DOCK4: variants seen among roughly 807,000 people sequenced by gnomAD.
DOCK4 encodes dedicator of cytokinesis 4.
DOCK4 carries 97 observed loss-of-function variants against 268.1 expected under a neutral mutation model. The ratio of observed to expected loss-of-function variants is 0.36; its 90% CI spans 0.31 to 0.43. DOCK4 has a LOEUF of 0.43. DOCK4 is among the 20% of genes least tolerant of loss of function. The pLI is 1.00. For missense variants in DOCK4, 2,145 were observed against 2,455.7 expected (o/e 0.87, Z 2.67); for synonymous variants, 954 against 887.2 (o/e 1.08, Z -1.34).
intron 1 of DOCK4, among the ~76,000 whole-genome samples, chr7:112,191,137 T>C (rs1418638060): frequency 1.3e-5 from 2 of 152,182 alleles, no homozygotes; most frequent in Non-Finnish European, 2.9e-5. Context: ...TAGAGTGCAG[T>C]AGCTAGTCAC....
intron 21 of DOCK4, 24 bp from the exon 22 acceptor site, chr7:111,868,178 T>G (rs768883737): frequency 1.9e-6 from 3 of 1,545,012 alleles, no homozygotes; most frequent in Non-Finnish European, 2.6e-6. Flanking sequence ...TTTTTAAAAG[T>G]TAGCTTCAAA....
intron 1 of DOCK4, among the ~76,000 whole-genome samples, chr7:112,150,371 A>G (rs1318354937): frequency 6.6e-6 from 1 of 152,164 alleles, no homozygotes; most frequent in African/African-American, 2.4e-5. Flanking sequence ...TCCGTCAAGA[A>G]TGAGCACTTG....
chr7:112,018,302 G>A (rs566057064), intron 1 of DOCK4, among the ~76,000 whole-genome samples: 34 of 151,486 alleles, frequency 2.2e-4, no homozygotes, highest in African/African-American at 8.2e-4. Flanking sequence ...TTTTTAAAAT[G>A]AAAAGATATT....
intron 1 of DOCK4, among the ~76,000 whole-genome samples, chr7:112,057,962 G>C (rs1805988649): frequency 6.8e-6 from 1 of 146,772 alleles, no homozygotes; most frequent in African/African-American, 2.5e-5. Flanking sequence ...CGCTTAATAA[G>C]AATTTATAGT....
chr7:112,111,741 G>T (rs1245096325), intron 1 of DOCK4, among the ~76,000 whole-genome samples: 1 of 152,148 alleles, frequency 6.6e-6, no homozygotes, highest in African/African-American at 2.4e-5. Flanking sequence ...TCCCTGTTCT[G>T]GGCAGAGTAG....
chr7:111,950,534 C>CA (rs1795974138), intron 8 of DOCK4, among the ~76,000 whole-genome samples: 1 of 152,140 alleles, frequency 6.6e-6, no homozygotes, highest in South Asian at 2.1e-4. Flanking sequence ...CTTTTTGTAT[C>CA]TTCAACTCCT....
rs1306085262 is a variant in DOCK4 at position 112,048,489 on chromosome 7, G to C, written c.38-44358C>G. Among the ~76,000 whole-genome samples the C allele has an allele frequency of 8.6e-5, 13 of 151,172 alleles. No homozygotes were observed. The East Asian group carries it at 2.5e-3, about 29-fold the overall frequency. ...GAGACAGGAGAATCGCTTGACCCCA[G>C]GAGGCAGAGGTTGCAATAAGCCAAG... On this transcript the variant is annotated intron_variant, in intron 1 of 52. Coordinates refer to ENST00000428084, the MANE Select transcript of DOCK4 (RefSeq NM_001363540.2).
At chr7:111,896,389 A>T (rs1423829919) in intron 15 of DOCK4, among the ~76,000 whole-genome samples, 1 of 152,052 alleles carries the variant, frequency 6.6e-6, no homozygotes, top group Non-Finnish European at 1.5e-5. Flanking sequence ...AATGCCAAGG[A>T]TCATTAGTAA....
intron 37 of DOCK4, 130 bp from the exon 38 acceptor site, chr7:111,767,248 G>T (rs1252123612): frequency 6.4e-5 from 40 of 627,230 alleles, no homozygotes; most frequent in Non-Finnish European, 9.9e-5. Context: ...TTTTTTTTGA[G>T]ATGGAGTCTC....
rs1001121195 is a variant in DOCK4, at chr7:111,754,558, C to T, written c.4416+957G>A. Among the ~76,000 whole-genome samples the T allele has an allele frequency of 5.9e-5, 9 of 152,184 alleles. No individual in the cohort carries two copies. The South Asian group carries it at 1.2e-3, about 21-fold the overall frequency. ...AAAAACAAACACATTATTATTTCTGCAGTGAAACAAATGAACATTCACACT... is the reference window on the plus strand; with the variant it reads ...AAAAACAAACACATTATTATTTCTGTAGTGAAACAAATGAACATTCACACT... On this transcript the variant is annotated intron_variant, in intron 42 of 52. Transcript: ENST00000428084.
chr7:111,944,781 C>A (rs1288111448), intron 10 of DOCK4, 30 bp downstream of exon 10: 3 of 1,599,604 alleles, frequency 1.9e-6, no homozygotes, highest in Non-Finnish European at 2.6e-6. Flanking sequence ...TGTTCCTTGC[C>A]CCTACTGCAC....
Position 112,206,362 on chromosome 7 carries a change from C to G in DOCK4, c.-224G>C. Reference sequence around the variant, plus strand: ...CGGCTGCTCACAGTCCTCCGACGCGCTCCCGGGTACCCGGCGGCGCAGTCA... The same window carrying G: ...CGGCTGCTCACAGTCCTCCGACGCGGTCCCGGGTACCCGGCGGCGCAGTCA... On this transcript the variant is annotated 5_prime_UTR_variant, in exon 1 of 53. Coordinates refer to ENST00000428084, the MANE Select transcript of DOCK4 (RefSeq NM_001363540.2). 1.7e-6 allele frequency: 1 copy of G among 587,230 alleles called. No individual in the cohort carries two copies. Among genetic ancestry groups the G allele is most frequent in the Non-Finnish European group, 3.0e-6 (1 of 334,004 alleles). 36.4% of individuals were successfully genotyped at this position (587,230 alleles called of 1,614,324 possible). A position where few individuals can be genotyped will look rare whatever the true frequency, so the allele number is the denominator to read the frequency against.
intron 24 of DOCK4, among the ~76,000 whole-genome samples, chr7:111,845,708 T>G (rs1180581020): frequency 6.6e-6 from 1 of 152,174 alleles, no homozygotes; most frequent in Non-Finnish European, 1.5e-5. Flanking sequence ...GCAAGAAAAC[T>G]ACCAAGATTT....
chr7:112,039,012 GT>G (rs561791138), intron 1 of DOCK4, among the ~76,000 whole-genome samples: 1 of 152,180 alleles, frequency 6.6e-6, no homozygotes, highest in African/African-American at 2.4e-5. Context: ...AGGTAGTCTA[GT>G]TTTTTCACAG....
chr7:112,040,567 C>G (rs73432744), intron 1 of DOCK4, among the ~76,000 whole-genome samples: 8,110 of 152,144 alleles, frequency 0.053, 685 homozygotes, highest in African/African-American at 0.18. Context: ...TGAACCAACA[C>G]ACACAGCTCA....
chr7:112,171,871 C>T lies in DOCK4; in HGVS notation c.37+34231G>A, dbSNP rs541958949. 1.5e-3 allele frequency among the ~76,000 whole-genome samples: 225 copies of T among 152,300 alleles called. 1 individual carries two copies. The highest frequency in any genetic ancestry group is 2.3e-3 in the Non-Finnish European group (158 of 68,024). ...AGGCTGGAAGTCCAAGATCAAGGTG[C>T]TGGCAGGGCTGGTTTCCTCTGAGGC... On this transcript the variant is annotated intron_variant, in intron 1 of 52. Transcript: ENST00000428084.
chr7:111,929,196 A>G (rs1369499164), intron 12 of DOCK4, among the ~76,000 whole-genome samples: 1 of 152,204 alleles, frequency 6.6e-6, no homozygotes, highest in Non-Finnish European at 1.5e-5. Flanking sequence ...ACACAAACAT[A>G]TACAATCAAG....
intron 2 of DOCK4, among the ~76,000 whole-genome samples, chr7:112,000,903 G>A (rs539155734): frequency 6.6e-6 from 1 of 152,146 alleles, no homozygotes; most frequent in South Asian, 2.1e-4. Context: ...TTTTATGAAA[G>A]GCCACATTAT....
At chr7:112,124,719 C>T (rs139831600) in intron 1 of DOCK4, among the ~76,000 whole-genome samples, 1 of 152,302 alleles carries the variant, frequency 6.6e-6, no homozygotes, top group Admixed American at 6.5e-5. Context: ...AACTGTCTAG[C>T]GCAGTGCCTG....
Sources: allele counts gnomAD v4.1 joint callset (sites outside exome capture counted in the v4.1 genomes callset), GRCh38; gene constraint gnomAD v4.1.1; transcripts MANE v1.5; gene names NCBI Gene and HGNC (gene_info 2026-07-23, HGNC 2026-07-21).